SPATA13: variants seen among roughly 807,000 people sequenced by gnomAD.
SPATA13 encodes spermatogenesis-associated protein 13.
SPATA13 carries 50 observed loss-of-function variants against 104.0 expected under a neutral mutation model. That is an observed-to-expected ratio of 0.48 (90% CI 0.38 to 0.61). The LOEUF (loss-of-function observed/expected upper bound fraction) is 0.61. Ranked by LOEUF, SPATA13 falls within the 20% of genes least tolerant of loss-of-function variation. The pLI, the probability that SPATA13 is intolerant of heterozygous loss-of-function variation, is 0.00. For synonymous variants in SPATA13, 606 were observed against 667.5 expected, an observed-to-expected ratio of 0.91 and a Z score of 1.42; for missense variants, 1,524 against 1,690.6, an observed-to-expected ratio of 0.90 and a Z score of 1.73.
intron 3 of SPATA13, among the ~76,000 whole-genome samples, chr13:24,028,777 G>C (rs1447721526): frequency 6.6e-6 from 1 of 152,086 alleles, no homozygotes; most frequent in Non-Finnish European, 1.5e-5. Context: ...ACTCAACTGT[G>C]TGTAATCTGC....
At chr13:24,229,510 C>T (rs747264819) in intron 2 of SPATA13, among the ~76,000 whole-genome samples, 2 of 152,110 alleles carry the variant, frequency 1.3e-5, no homozygotes, top group African/African-American at 2.4e-5. Context: ...ACACTTAGCC[C>T]GCCCTTTGAC....
intron 3 of SPATA13, among the ~76,000 whole-genome samples, chr13:24,127,876 C>G (rs530711092): frequency 1.8e-4 from 28 of 152,382 alleles, no homozygotes; most frequent in African/African-American, 6.3e-4. Flanking sequence ...TTATTTCTTA[C>G]TCTTCCTACC....
intron 1 of SPATA13, among the ~76,000 whole-genome samples, chr13:24,174,838 C>G (rs1883150959): frequency 6.6e-6 from 1 of 152,226 alleles, no homozygotes; most frequent in East Asian, 1.9e-4. Context: ...CTTGGCCTCC[C>G]AAAGTGCTGG....
chr13:24,119,928 T>G (rs1220255221), intron 3 of SPATA13, among the ~76,000 whole-genome samples: 1 of 152,188 alleles, frequency 6.6e-6, no homozygotes, highest in Non-Finnish European at 1.5e-5. Flanking sequence ...GAATTCCCAT[T>G]AGCTTTTCCA....
intron 3 of SPATA13, among the ~76,000 whole-genome samples, chr13:24,100,332 G>A (rs944911164): frequency 1.3e-5 from 2 of 152,182 alleles, no homozygotes; most frequent in African/African-American, 4.8e-5. Flanking sequence ...TCTAGAGGAG[G>A]AGGAAATACT....
intron 3 of SPATA13, among the ~76,000 whole-genome samples, chr13:24,043,889 G>A (rs546214678): frequency 6.6e-6 from 1 of 152,344 alleles, no homozygotes; most frequent in African/African-American, 2.4e-5. Flanking sequence ...GGACTGCCAG[G>A]GGAGGGGTAG....
At chr13:24,103,104 A>C (rs1880310090) in intron 3 of SPATA13, among the ~76,000 whole-genome samples, 1 of 152,188 alleles carries the variant, frequency 6.6e-6, no homozygotes, top group Non-Finnish European at 1.5e-5. Context: ...CTTGGGTTTC[A>C]TTGTCAGGCA....
In SPATA13 at chr13:24,071,635, C is replaced by T. The variant is rs575267685; in HGVS notation, c.-112+53934C>T. Among the ~76,000 whole-genome samples, 224 of 152,230 alleles carry T rather than the reference C, an allele frequency of 1.5e-3. 2 individuals carry two copies. The highest frequency in any genetic ancestry group is 5.0e-3 in the African/African-American group (206 of 41,522). Reference sequence around the variant, plus strand: ...GGAGCTTGTTCCTTTGGTGTCTGACCGTACATACAAACAGGCACACCCTGC... The same window carrying T: ...GGAGCTTGTTCCTTTGGTGTCTGACTGTACATACAAACAGGCACACCCTGC... On this transcript the variant is annotated intron_variant, in intron 3 of 14. Coordinates refer to the SPATA13 transcript ENST00000424834.
At chr13:24,263,376 C>T (rs1483991459) in intron 4 of SPATA13, among the ~76,000 whole-genome samples, 1 of 152,184 alleles carries the variant, frequency 6.6e-6, no homozygotes, top group East Asian at 1.9e-4. Context: ...TGCCGTGAGC[C>T]TTGCCACGTT....
At chr13:24,117,510 A>G (rs530907840) in intron 3 of SPATA13, among the ~76,000 whole-genome samples, 2 of 152,288 alleles carry the variant, frequency 1.3e-5, no homozygotes, top group African/African-American at 4.8e-5. Flanking sequence ...TAGTGATGTC[A>G]GTTTTTGATT....
rs568830832 is a variant in SPATA13 at position 23,986,935 on chromosome 13, C to T, written c.-147+3002C>T. Among the ~76,000 whole-genome samples, 233 of 151,560 alleles carry T rather than the reference C, an allele frequency of 1.5e-3. 1 individual carries two copies. The highest frequency in any genetic ancestry group is 2.2e-3 in the Non-Finnish European group (150 of 67,952). On this transcript the variant is annotated intron_variant, in intron 2 of 14. Transcript: ENST00000424834. ...ATTGAGAGTGAAGCACAATCACCTA[C>T]CATTTTACATTATGGGAAATTTGAC... is the stretch of plus-strand genomic sequence containing the variant.
intron 2 of SPATA13, among the ~76,000 whole-genome samples, chr13:24,226,705 A>C (rs910760676): frequency 6.6e-6 from 1 of 152,200 alleles, no homozygotes; most frequent in African/African-American, 2.4e-5. Flanking sequence ...GGAGGACCTC[A>C]GTTTTGTCTT....
intron 2 of SPATA13, among the ~76,000 whole-genome samples, chr13:23,988,020 T>G (rs929548664): frequency 6.6e-6 from 1 of 151,996 alleles, no homozygotes; most frequent in Non-Finnish European, 1.5e-5. Context: ...CACAGTTTAC[T>G]GCAACCTGTG....
At chr13:24,262,739 T>A (rs1300314978) in intron 4 of SPATA13, among the ~76,000 whole-genome samples, 1 of 152,148 alleles carries the variant, frequency 6.6e-6, no homozygotes, top group South Asian at 2.1e-4. Context: ...AGGGAAGCAT[T>A]AACTATACAG....
intron 1 of SPATA13, among the ~76,000 whole-genome samples, chr13:23,980,276 C>T (rs1874820672): frequency 6.6e-6 from 1 of 152,220 alleles, no homozygotes; most frequent in African/African-American, 2.4e-5. Context: ...TGCACAAAGC[C>T]AGCCTGGCGG....
At chr13:24,080,790 G>A (rs1313259073) in intron 3 of SPATA13, among the ~76,000 whole-genome samples, 1 of 152,150 alleles carries the variant, frequency 6.6e-6, no homozygotes, top group Non-Finnish European at 1.5e-5. Flanking sequence ...TGTTAATGTT[G>A]TGCATTACTG....
intron 3 of SPATA13, among the ~76,000 whole-genome samples, chr13:24,103,168 G>A (rs17080021): frequency 0.4 from 60,912 of 151,790 alleles, 12,379 homozygotes; most frequent in Non-Finnish European, 0.41. Context: ...TTCTGAATAC[G>A]TCAAAATGGG....
chr13:24,189,900 A>G (rs796794150), intron 1 of SPATA13, among the ~76,000 whole-genome samples: 2 of 49,622 alleles, frequency 4.0e-5, no homozygotes, highest in African/African-American at 1.5e-4. Context: ...TATATTATAT[A>G]ATTATATTAC....
chr13:24,300,419 A>G lies in SPATA13; in HGVS notation c.3602A>G (p.Asn1201Ser). ...DKEMGMEISENQKKLAMLNAQ... is the reference protein window; with the variant it reads ...DKEMGMEISESQKKLAMLNAQ... ...AATGCAGGAATGGAAATTTCAGAAA[A>G]CCAGAAGAAACTTGCCATGTTAAAT... The change falls in exon 12 of 13, where the codon AAC (asparagine) becomes AGC (serine). Residue 1201 changes from asparagine (N) to serine (S), a missense_variant. Asn to Ser is a conservative substitution (Grantham distance 46). This residue lies in a region of SPATA13 where 435 missense variants were observed against 554.8 expected (regional missense o/e 0.78). Coordinates refer to ENST00000382108, the MANE Select transcript of SPATA13 (RefSeq NM_001166271.3). The G allele has an allele frequency of 6.2e-7, 1 of 1,613,478 alleles. No individual in the cohort carries two copies. The highest frequency in any genetic ancestry group is 1.1e-5 in the South Asian group (1 of 90,904).
Sources: gnomAD v4.1 joint callset for allele counts (sites outside exome capture counted in the v4.1 genomes callset) on GRCh38, gnomAD v4.1.1 for gene constraint, gnomAD v4.1.1 regional missense constraint, MANE v1.5 for transcripts, NCBI Gene and HGNC (gene_info 2026-07-23, HGNC 2026-07-21) for gene names.